Variants in NAPEPLD observed in about 807,000 individuals in gnomAD.
NAPEPLD encodes the protein N-acyl-phosphatidylethanolamine-hydrolyzing phospholipase D.
In NAPEPLD, 23 loss-of-function variants were observed where a neutral mutation model predicts 38.1. That is an observed-to-expected ratio of 0.60 (90% CI 0.43 to 0.86). The LOEUF (loss-of-function observed/expected upper bound fraction) is 0.86. Among genes scored for constraint, NAPEPLD ranks in the 40% least tolerant of loss-of-function variants. The pLI is 0.00. For synonymous variants in NAPEPLD, 147 were observed against 162.0 expected (o/e 0.91, Z 0.71); for missense variants, 411 against 476.8 (o/e 0.86, Z 1.28).
At chr7:103,149,450 A>G (rs755572821), upstream of NAPEPLD, 2 of 1,259,736 alleles carry the variant, frequency 1.6e-6, no homozygotes, top group South Asian at 1.3e-5. Context: ...CAGCAGCTGC[A>G]GGCAGCGCTT....
intron 1 of NAPEPLD, among the ~76,000 whole-genome samples, chr7:103,138,339 T>G (rs551818268): frequency 4.1e-4 from 62 of 152,296 alleles, no homozygotes; most frequent in African/African-American, 1.4e-3. Context: ...ATGCATAACC[T>G]GTAAAGAAAC....
chr7:103,149,450 A>C, upstream of NAPEPLD: 9 of 1,259,736 alleles, frequency 7.1e-6, no homozygotes, highest in Non-Finnish European at 9.2e-6. Context: ...CAGCAGCTGC[A>C]GGCAGCGCTT....
intron 4 of NAPEPLD, among the ~76,000 whole-genome samples, chr7:103,112,559 C>A (rs1004047613): frequency 6.6e-6 from 1 of 151,838 alleles, no homozygotes; most frequent in Admixed American, 6.6e-5. Flanking sequence ...ACAATGAGAA[C>A]ACATGGACAC....
chr7:103,140,853 CATG>C (rs1450966063), intron 1 of NAPEPLD, among the ~76,000 whole-genome samples: 5 of 152,196 alleles, frequency 3.3e-5, no homozygotes, highest in African/African-American at 1.2e-4. Context: ...GCTGAAAACT[CATG>C]ATACTAATGG....
intron 3 of NAPEPLD, among the ~76,000 whole-genome samples, chr7:103,118,746 T>C (rs1301137515): frequency 6.6e-6 from 1 of 152,242 alleles, no homozygotes; most frequent in South Asian, 2.1e-4. Flanking sequence ...TCTAACTTAA[T>C]TCTTTGAAAT....
chr7:103,132,951 A>G (rs1202627186), intron 1 of NAPEPLD, among the ~76,000 whole-genome samples: 1 of 152,242 alleles, frequency 6.6e-6, no homozygotes, highest in East Asian at 1.9e-4. Context: ...ATCTGTGGAA[A>G]CAGGTCTCAT....
chr7:103,105,041 C>T (rs1360974827), intron 4 of NAPEPLD, among the ~76,000 whole-genome samples: 1 of 152,176 alleles, frequency 6.6e-6, no homozygotes, highest in African/African-American at 2.4e-5. Context: ...GACCCTCTGT[C>T]TTTAATCTGC....
upstream of NAPEPLD, chr7:103,149,379 C>T (rs955514222): frequency 5.1e-6 from 6 of 1,169,076 alleles, no homozygotes; most frequent in Non-Finnish European, 6.4e-6. Flanking sequence ...GAGGGGCGAC[C>T]GCGGCAGGCG....
rs180962599 is a variant in NAPEPLD, at chr7:103,131,665, A to T, written c.-16-2873T>A. Among the ~76,000 whole-genome samples, 676 of 148,326 alleles carry T rather than the reference A, an allele frequency of 4.6e-3. 3 individuals are homozygous for T. Among genetic ancestry groups the T allele is most frequent in the African/African-American group, 0.016 (637 of 40,798 alleles). ...ACAGTGAGACTCTGTCTCAAGGGGA[A>T]AAAAAAAAAAAGCAAGGAAGGTTTG... is the stretch of plus-strand genomic sequence containing the variant. On this transcript the variant is annotated intron_variant, in intron 1 of 4. Coordinates refer to ENST00000465647, the MANE Select transcript of NAPEPLD (RefSeq NM_001122838.3).
intron 1 of NAPEPLD, among the ~76,000 whole-genome samples, chr7:103,144,536 T>C (rs375288543): frequency 6.6e-6 from 1 of 152,278 alleles, no homozygotes; most frequent in South Asian, 2.1e-4. Context: ...ACATGGTACC[T>C]TGAAGACATT....
intron 2 of NAPEPLD, chr7:103,127,169 C>T (rs1807996461): frequency 6.6e-6 from 1 of 152,174 alleles, no homozygotes; most frequent in East Asian, 1.9e-4. Context: ...CACATCGTGG[C>T]AATTTTCAGA....
At chr7:103,133,853 C>T (rs1253215220) in intron 1 of NAPEPLD, among the ~76,000 whole-genome samples, 4 of 152,166 alleles carry the variant, frequency 2.6e-5, no homozygotes, top group Non-Finnish European at 5.9e-5. Context: ...CTGTAAACAA[C>T]CTGTGTTTCA....
chr7:103,116,214 A>G (rs889197859), intron 3 of NAPEPLD, among the ~76,000 whole-genome samples: 2 of 151,854 alleles, frequency 1.3e-5, no homozygotes, highest in African/African-American at 4.8e-5. Flanking sequence ...GGCACGTACC[A>G]CCTCTCCCGG....
At chr7:103,114,391 T>C (rs1013765027) in intron 4 of NAPEPLD, among the ~76,000 whole-genome samples, 4 of 152,194 alleles carry the variant, frequency 2.6e-5, no homozygotes, top group African/African-American at 9.7e-5. Flanking sequence ...GCCTGGCACA[T>C]AGCAGACACC....
chr7:103,143,871 T>C (rs146898851), intron 1 of NAPEPLD, among the ~76,000 whole-genome samples: 3 of 152,240 alleles, frequency 2.0e-5, no homozygotes, highest in East Asian at 1.9e-4. Flanking sequence ...CTAATCCATA[T>C]GTGGGTGCCT....
intron 1 of NAPEPLD, among the ~76,000 whole-genome samples, chr7:103,130,701 T>C: frequency 6.6e-6 from 1 of 152,122 alleles, no homozygotes; most frequent in East Asian, 1.9e-4. Flanking sequence ...GCTCAGGGTA[T>C]TCTCCCACCT....
rs189342666 is a variant in NAPEPLD, at chr7:103,102,653, G to C, written c.*776C>G. 5.7e-4 allele frequency: 86 copies of C among 152,120 alleles called. No homozygotes were observed. Among genetic ancestry groups the C allele is most frequent in the African/African-American group, 1.9e-3 (79 of 41,510 alleles). The allele number at this position is 152,120 out of a possible 1,614,324, so 9.4% of individuals were successfully genotyped here. A position where few individuals can be genotyped will look rare whatever the true frequency, so the allele number is the denominator to read the frequency against. On this transcript the variant is annotated 3_prime_UTR_variant, in exon 5 of 5. Transcript: ENST00000465647. ...TTGTAGACGTGCAATAGAATATACT[G>C]TTCCCTCTCATCTGAAGGCTCTAGG...
At chr7:103,149,408 C>A, upstream of NAPEPLD, 1 of 1,226,934 alleles carries the variant, frequency 8.2e-7, no homozygotes, top group Non-Finnish European at 1.0e-6. Context: ...CTTCCTAACC[C>A]GAGCCCGCCG....
intron 3 of NAPEPLD, among the ~76,000 whole-genome samples, chr7:103,117,433 T>A (rs1348968173): frequency 6.6e-6 from 1 of 152,216 alleles, no homozygotes; most frequent in Admixed American, 6.5e-5. Context: ...TGAAATAGAT[T>A]TAAATTTTTT....
Sources: gnomAD v4.1 joint callset for allele counts (sites outside exome capture counted in the v4.1 genomes callset) on GRCh38, gnomAD v4.1.1 for gene constraint, MANE v1.5 for transcripts, NCBI Gene and HGNC (gene_info 2026-07-23, HGNC 2026-07-21) for gene names.